SMC2: variants seen among roughly 807,000 people sequenced by gnomAD.
The protein encoded by SMC2 is structural maintenance of chromosomes protein 2.
A neutral mutation model predicts 142.6 loss-of-function variants in SMC2; 41 were observed. The observed-to-expected ratio is 0.29, with a 90% CI of 0.22 to 0.37. The LOEUF is 0.37. Among genes scored for constraint, SMC2 ranks in the 10% least tolerant of loss-of-function variants. The probability of loss-of-function intolerance (pLI) is 1.00; values close to 1 mark genes in which losing one functional copy is unlikely to be tolerated. For missense variants in SMC2, 1,265 were observed against 1,373.7 expected (o/e 0.92, Z 1.25); for synonymous variants, 463 against 457.5 (o/e 1.01, Z -0.15).
At chr9:104,111,011 A>G (rs1832379033) in intron 9 of SMC2, among the ~76,000 whole-genome samples, 1 of 152,218 alleles carries the variant, frequency 6.6e-6, no homozygotes, top group Non-Finnish European at 1.5e-5. Context: ...GAACTAATCA[A>G]GTGGGCCAAA....
Position 104,106,363 on chromosome 9 carries a change from A to T in SMC2, c.1020+3790A>T, listed in dbSNP as rs78733383. On this transcript the variant is annotated intron_variant, in intron 9 of 24. Coordinates refer to ENST00000374793, the MANE Select transcript of SMC2 (RefSeq NM_006444.3). ...TCAGGCAGCAAGTCCTTGTTTCCAC[A>T]TAGGGGATTTTTATTTATTTTATTT... Among the ~76,000 whole-genome samples the T allele has an allele frequency of 5.5e-3, 832 of 152,172 alleles. 2 individuals carry two copies. The highest frequency in any genetic ancestry group is 0.015 in the East Asian group (77 of 5,172).
At chr9:104,106,885 A>G (rs1307069964) in intron 9 of SMC2, among the ~76,000 whole-genome samples, 1 of 150,622 alleles carries the variant, frequency 6.6e-6, no homozygotes, top group African/African-American at 2.5e-5. Flanking sequence ...CTCAGTCAAA[A>G]GATGACCACT....
chr9:104,093,698 A>G (rs1473265777), upstream of SMC2, among the ~76,000 whole-genome samples: 3 of 152,196 alleles, frequency 2.0e-5, no homozygotes, highest in East Asian at 3.9e-4. Context: ...AGCTCTCGGT[A>G]GACTACGATC....
At chr9:104,101,242 G>A (rs983718800) in intron 7 of SMC2, among the ~76,000 whole-genome samples, 25 of 152,180 alleles carry the variant, frequency 1.6e-4, no homozygotes, top group African/African-American at 5.8e-4. Context: ...GCCAAACGAC[G>A]TTTTTAAAGC....
rs144160155 is a variant in SMC2, at chr9:104,103,169, T to C, written c.1020+596T>C. ...TGGGATACTTTCAACGTTTGAATGT[T>C]AGGATAGTTCAACATTCAAAAGAGA... is the stretch of plus-strand genomic sequence containing the variant. On this transcript the variant is annotated intron_variant, in intron 9 of 24. Coordinates refer to ENST00000374793, the MANE Select transcript of SMC2 (RefSeq NM_006444.3). Among the ~76,000 whole-genome samples, 6 of 152,176 alleles carry C rather than the reference T, an allele frequency of 3.9e-5. No homozygotes were observed. The East Asian group carries it at 1.2e-3, about 30-fold the overall frequency.
In SMC2 at chr9:104,116,417, C is replaced by A. The variant is rs929974614; in HGVS notation, c.1791+98C>A. The A allele has an allele frequency of 3.5e-5, 40 of 1,156,184 alleles. No homozygotes were observed. In the African/African-American group the frequency reaches 5.7e-4, roughly 17 times the overall value. The allele number at this position is 1,156,184 out of a possible 1,614,324, so 71.6% of individuals were successfully genotyped here. A position where few individuals can be genotyped will look rare whatever the true frequency, so the allele number is the denominator to read the frequency against. On this transcript the variant is annotated intron_variant, in intron 14 of 24. Transcript: ENST00000374793. ...TTGAGGGACATAATCATATGCAGAA[C>A]CACAAAATTAAAATACAAAAAAATT...
chr9:104,135,953 A>G (rs1055931118), intron 23 of SMC2: 3 of 517,930 alleles, frequency 5.8e-6, no homozygotes, highest in African/African-American at 5.8e-5. Context: ...GGATCTACAT[A>G]AAGGAAAGAA....
Position 104,100,207 on chromosome 9 carries a change from A to T in SMC2, c.591+4A>T. ...TAAGCTGAAAGAAATTAAGACGGTA[A>T]TTTAATTCATATAAAATATTTTCGG... On this transcript the variant is annotated splice_donor_region_variant and intron_variant, in intron 6 of 24. Coordinates refer to ENST00000374793, the MANE Select transcript of SMC2 (RefSeq NM_006444.3). The T allele has an allele frequency of 6.6e-7, 1 of 1,505,112 alleles. No homozygotes were observed. The highest frequency in any genetic ancestry group is 1.2e-5 in the South Asian group (1 of 80,708). 93.2% of individuals were successfully genotyped at this position (1,505,112 alleles called of 1,614,324 possible).
chr9:104,097,151 G>A (rs1213695360), intron 3 of SMC2, among the ~76,000 whole-genome samples: 3 of 132,156 alleles, frequency 2.3e-5, no homozygotes, highest in South Asian at 2.4e-4. Flanking sequence ...TTCCTGAGAC[G>A]GAGTCTCGCT....
In SMC2 at chr9:104,139,335, A is replaced by G; in HGVS notation, c.*20A>G. 1 of 1,549,672 alleles carries G rather than the reference A, an allele frequency of 6.5e-7. No individual in the cohort carries two copies. Among genetic ancestry groups the G allele is most frequent in the African/African-American group, 1.4e-5 (1 of 70,240 alleles). On this transcript the variant is annotated 3_prime_UTR_variant, in exon 25 of 25. Transcript: ENST00000374793. ...GTTTAAACTACAAAGTTATTTCTTC[A>G]TCTTGACCTGTTTTTTTAAATGTAA...
chr9:104,126,930 A>G (rs1023442904), intron 19 of SMC2, 146 bp downstream of exon 19: 8 of 823,078 alleles, frequency 9.7e-6, no homozygotes, highest in Non-Finnish European at 1.3e-5. Context: ...CTCATCCAGA[A>G]TTGCCAGTTT....
rs199888056 is a variant in SMC2 at position 104,095,543 on chromosome 9, C to G, written c.159C>G (p.Asn53Lys). 5.4e-5 allele frequency: 87 copies of G among 1,613,266 alleles called. No homozygotes were observed. In the East Asian group the frequency reaches 1.7e-3, roughly 31 times the overall value. ...DSICFLLGIS[N>K]LSQVRASNLQ... is the part of the protein sequence containing the mutation. ...TCTGCTTTTTGCTGGGCATCTCCAA[C>G]CTGTCTCAGGTAAAGTGTAAACTTT... The change falls in exon 2 of 25, where the codon AAC (asparagine) becomes AAG (lysine). Residue 53 changes from asparagine (N) to lysine (K), a missense_variant. By Grantham distance (94) the Asn-to-Lys change is moderately conservative. This residue lies in a region of SMC2 where 168 missense variants were observed against 184.8 expected (regional missense o/e 0.91). Coordinates refer to ENST00000374793, the MANE Select transcript of SMC2 (RefSeq NM_006444.3).
At chr9:104,113,888 G>T in intron 11 of SMC2, 76 bp from the exon 12 acceptor site, 2 of 822,856 alleles carry the variant, frequency 2.4e-6, no homozygotes, top group South Asian at 4.5e-5. Context: ...GGAAATAGTG[G>T]TTGCTAATAT....
rs1348849963 is a variant in SMC2, at chr9:104,095,381, G to A, written c.-4G>A. On this transcript the variant is annotated 5_prime_UTR_variant, in exon 2 of 25. Transcript: ENST00000374793. ...AGGTTTGCTGACCCAAGACAGTATC[G>A]AAAATGCATATTAAGTCAATTATTC... 2.5e-6 allele frequency: 4 copies of A among 1,611,772 alleles called. No homozygotes were observed. Among genetic ancestry groups the A allele is most frequent in the Admixed American group, 3.3e-5 (2 of 59,946 alleles).
chr9:104,108,903 G>A (rs1323906145), intron 9 of SMC2, among the ~76,000 whole-genome samples: 1 of 152,144 alleles, frequency 6.6e-6, no homozygotes, highest in East Asian at 1.9e-4. Flanking sequence ...AATGGGGGTG[G>A]TCAGCACATG....
Position 104,123,242 on chromosome 9 carries a change from A to G in SMC2, c.2257+10A>G, listed in dbSNP as rs369666377. On this transcript the variant is annotated intron_variant, in intron 17 of 24. Transcript: ENST00000374793. ...CTTAAAAAAACCATTGGTAAGATGAAAACAGTCCATGCTTAATCTCTGGTT... is the reference window on the plus strand; with the variant it reads ...CTTAAAAAAACCATTGGTAAGATGAGAACAGTCCATGCTTAATCTCTGGTT... The G allele has an allele frequency of 3.1e-6, 5 of 1,610,954 alleles. No individual in the cohort carries two copies. The highest frequency in any genetic ancestry group is 4.2e-6 in the Non-Finnish European group (5 of 1,178,516).
intron 9 of SMC2, among the ~76,000 whole-genome samples, chr9:104,108,412 T>C (rs557483034): frequency 2.0e-5 from 3 of 152,150 alleles, no homozygotes; most frequent in Non-Finnish European, 4.4e-5. Context: ...TCCTGGACTT[T>C]CCATATACTC....
intron 23 of SMC2, among the ~76,000 whole-genome samples, chr9:104,137,155 AAG>A (rs1464837977): frequency 1.3e-5 from 2 of 151,920 alleles, no homozygotes; most frequent in African/African-American, 2.4e-5. Flanking sequence ...AAAACCAAAA[AAG>A]AATGCAGCAA....
chr9:104,127,545 T>G, intron 20 of SMC2, 65 bp downstream of exon 20: 1 of 1,231,932 alleles, frequency 8.1e-7, no homozygotes, highest in East Asian at 2.5e-5. Context: ...TGAAAAAATT[T>G]AGAAAACTGC....
Sources: allele counts gnomAD v4.1 joint callset (sites outside exome capture counted in the v4.1 genomes callset), GRCh38; gene constraint gnomAD v4.1.1; regional missense constraint gnomAD v4.1.1; transcripts MANE v1.5; gene names NCBI Gene and HGNC (gene_info 2026-07-23, HGNC 2026-07-21).